The following FBN2 variants were observed in gnomAD, a reference collection of about 807,000 sequenced individuals.
FBN2 encodes the protein fibrillin 2, also known as fibrillin-2.
A neutral mutation model predicts 355.6 loss-of-function variants in FBN2; 105 were observed. The observed-to-expected ratio is 0.30, with a 90% CI of 0.25 to 0.35. FBN2 has a LOEUF of 0.35. Among genes scored for constraint, FBN2 ranks in the 10% least tolerant of loss-of-function variants. The pLI is 1.00. For synonymous variants in FBN2, 1,350 were observed against 1,301.2 expected (o/e 1.04, Z -0.81); for missense variants, 3,280 against 3,758.7 (o/e 0.87, Z 3.33).
At chr5:128,417,358 C>A (rs1753233190) in intron 7 of FBN2, among the ~76,000 whole-genome samples, 1 of 152,108 alleles carries the variant, frequency 6.6e-6, no homozygotes, top group African/African-American at 2.4e-5. Context: ...TCTCTCTTGT[C>A]TGATTGCTCT....
At chr5:128,466,290 C>T (rs368180024) in intron 5 of FBN2, among the ~76,000 whole-genome samples, 3 of 152,256 alleles carry the variant, frequency 2.0e-5, no homozygotes, top group Non-Finnish European at 4.4e-5. Context: ...CTTGGGAATA[C>T]AAAATACCAC....
chr5:128,462,274 A>G (rs1754579264), intron 6 of FBN2, among the ~76,000 whole-genome samples: 2 of 152,188 alleles, frequency 1.3e-5, no homozygotes, highest in South Asian at 4.1e-4. Context: ...TTTTTTAATG[A>G]CATATATGCA....
At chr5:128,507,389 T>TAC (rs1313822424) in intron 5 of FBN2, among the ~76,000 whole-genome samples, 1 of 152,058 alleles carries the variant, frequency 6.6e-6, no homozygotes, top group Non-Finnish European at 1.5e-5. Flanking sequence ...GCATATAACA[T>TAC]ACACACATTC....
chr5:128,380,799 C>A (rs2126962513), intron 11 of FBN2, among the ~76,000 whole-genome samples: 1 of 152,136 alleles, frequency 6.6e-6, no homozygotes, highest in Non-Finnish European at 1.5e-5. Context: ...GTCTCACAGT[C>A]CTGGACCTCC....
chr5:128,374,934 G>A (rs1752043921), intron 14 of FBN2, among the ~76,000 whole-genome samples, 184 bp from the exon 15 acceptor site: 1 of 151,986 alleles, frequency 6.6e-6, no homozygotes, highest in Non-Finnish European at 1.5e-5. Context: ...ATTTCAGAAT[G>A]CTTTACTTTA....
At chr5:128,525,302 G>C (rs567950172) in intron 4 of FBN2, among the ~76,000 whole-genome samples, 26 of 152,120 alleles carry the variant, frequency 1.7e-4, no homozygotes, top group Non-Finnish European at 2.5e-4. Flanking sequence ...TTGCAAAACA[G>C]AGTTGGCAAT....
intron 5 of FBN2, among the ~76,000 whole-genome samples, chr5:128,503,390 A>C (rs1755867778): frequency 6.6e-6 from 1 of 152,168 alleles, no homozygotes; most frequent in Admixed American, 6.5e-5. Context: ...AATGTGGAAG[A>C]GACTATGGAA....
intron 34 of FBN2, among the ~76,000 whole-genome samples, chr5:128,324,319 T>C (rs1437260808): frequency 6.6e-6 from 1 of 152,236 alleles, no homozygotes; most frequent in African/African-American, 2.4e-5. Flanking sequence ...ATTTCTTGTC[T>C]TCTGCTAGCT....
intron 6 of FBN2, among the ~76,000 whole-genome samples, chr5:128,461,221 G>A (rs1754545230): frequency 6.6e-6 from 1 of 152,082 alleles, no homozygotes; most frequent in African/African-American, 2.4e-5. Context: ...CTCAAAAGAA[G>A]GCATTTATGT....
At chr5:128,353,411 C>A (rs954505017) in intron 20 of FBN2, among the ~76,000 whole-genome samples, 1 of 152,174 alleles carries the variant, frequency 6.6e-6, no homozygotes, top group African/African-American at 2.4e-5. Context: ...AAGAGCTGGA[C>A]AGTCACTTTG....
chr5:128,343,300 A>G (rs154003), intron 25 of FBN2, among the ~76,000 whole-genome samples: 120,264 of 152,098 alleles, frequency 0.79, 47,827 homozygotes, highest in East Asian at 0.93. Flanking sequence ...GCCAAGTGCA[A>G]CAGCCAGAGT....
chr5:128,319,566 C>T (rs1750312260), intron 34 of FBN2, among the ~76,000 whole-genome samples: 1 of 149,254 alleles, frequency 6.7e-6, no homozygotes, highest in Admixed American at 6.7e-5. Context: ...TTTTTACTTC[C>T]TTTTTATTTT....
intron 5 of FBN2, among the ~76,000 whole-genome samples, chr5:128,480,184 T>TTA (rs1755142671): frequency 7.1e-6 from 1 of 141,232 alleles, no homozygotes; most frequent in Admixed American, 7.4e-5. Flanking sequence ...ATTATATATT[T>TTA]TATATATATA....
At chr5:128,364,962 A>G (rs536027872) in intron 17 of FBN2, among the ~76,000 whole-genome samples, 35 of 152,300 alleles carry the variant, frequency 2.3e-4, no homozygotes, top group African/African-American at 7.5e-4. Context: ...GCAGAAATTC[A>G]AAGAGTTAAA....
In FBN2 at chr5:128,521,725, C is replaced by A. The variant is rs193156834; in HGVS notation, c.533-2357G>T. On this transcript the variant is annotated intron_variant, in intron 4 of 64. Coordinates refer to ENST00000262464, the MANE Select transcript of FBN2 (RefSeq NM_001999.4). ...ATGCCAGCCTTTGGGGAAAAGCTGT[C>A]CACACTGACTGTAACACTCAGAACA... Among the ~76,000 whole-genome samples, 10 of 152,256 alleles carry A rather than the reference C, an allele frequency of 6.6e-5. 1 individual carries two copies. The South Asian group carries it at 1.7e-3, about 25-fold the overall frequency.
chr5:128,370,611 T>C (rs1465645825), intron 15 of FBN2, among the ~76,000 whole-genome samples: 1 of 152,170 alleles, frequency 6.6e-6, no homozygotes, highest in Non-Finnish European at 1.5e-5. Context: ...TTTGCACAAA[T>C]ATAACATGGT....
chr5:128,476,252 G>C (rs564838766), intron 5 of FBN2, among the ~76,000 whole-genome samples: 43 of 152,114 alleles, frequency 2.8e-4, no homozygotes, highest in African/African-American at 9.2e-4. Flanking sequence ...AAAATATAAT[G>C]CTTTATATAC....
At chr5:128,289,054 CTG>C in intron 52 of FBN2, 71 bp downstream of exon 52, 1 of 1,517,700 alleles carries the variant, frequency 6.6e-7, no homozygotes, top group Non-Finnish European at 9.1e-7. Flanking sequence ...CCCAGGGTAC[CTG>C]AGAGACCTTT....
chr5:128,505,715 A>G (rs1348591877), intron 5 of FBN2, among the ~76,000 whole-genome samples: 4 of 110,728 alleles, frequency 3.6e-5, no homozygotes, highest in Non-Finnish European at 6.9e-5. Flanking sequence ...AAATAAAATC[A>G]TAATGTATTT....
Sources: allele counts gnomAD v4.1 joint callset (sites outside exome capture counted in the v4.1 genomes callset), GRCh38; gene constraint gnomAD v4.1.1; transcripts MANE v1.5; gene names NCBI Gene and HGNC (gene_info 2026-07-23, HGNC 2026-07-21).